The following STK39 variants were observed in gnomAD, a reference collection of about 807,000 sequenced individuals.
STK39 encodes serine/threonine kinase 39.
Under a neutral mutation model 77.8 loss-of-function variants are expected in STK39, and 20 were observed. The ratio of observed to expected loss-of-function variants is 0.26; its 90% CI spans 0.18 to 0.37. STK39 has a LOEUF of 0.37. Among genes scored for constraint, STK39 ranks in the 10% least tolerant of loss-of-function variants. The pLI is 1.00. For missense variants in STK39, 479 were observed against 656.5 expected (o/e 0.73, Z 2.95); for synonymous variants, 246 against 234.1 (o/e 1.05, Z -0.47).
At chr2:168,219,347 ACT>A (rs1690106680) in intron 1 of STK39, among the ~76,000 whole-genome samples, 1 of 152,026 alleles carries the variant, frequency 6.6e-6, no homozygotes, top group African/African-American at 2.4e-5. Flanking sequence ...CATACACTTA[ACT>A]CTCAATTTAT....
chr2:168,161,213 T>C (rs1688563425), intron 5 of STK39, among the ~76,000 whole-genome samples: 1 of 152,184 alleles, frequency 6.6e-6, no homozygotes, highest in Admixed American at 6.5e-5. Context: ...CCTTTAAGGT[T>C]ACTCTAGGGC....
intron 14 of STK39, among the ~76,000 whole-genome samples, chr2:168,029,429 G>A (rs1684778787): frequency 6.6e-6 from 1 of 152,202 alleles, no homozygotes; most frequent in Non-Finnish European, 1.5e-5. Context: ...ACAAAAGACA[G>A]AAGCCTTTTT....
chr2:168,013,654 G>A (rs907233123), intron 15 of STK39, among the ~76,000 whole-genome samples: 1 of 152,168 alleles, frequency 6.6e-6, no homozygotes, highest in Non-Finnish European at 1.5e-5. Flanking sequence ...AAAGTCAGGG[G>A]GCACCTGAAA....
In STK39 at chr2:167,972,275, C is replaced by A. The variant is rs112479613; in HGVS notation, c.1499-7549G>T. Among the ~76,000 whole-genome samples the A allele has an allele frequency of 3.1e-3, 469 of 152,272 alleles. 2 individuals are homozygous for A. Among genetic ancestry groups the A allele is most frequent in the African/African-American group, 0.011 (443 of 41,556 alleles). On this transcript the variant is annotated intron_variant, in intron 16 of 17. Coordinates refer to ENST00000355999, the MANE Select transcript of STK39 (RefSeq NM_013233.3). ...CTCTCTTGTAAAGTTTTAATTACCA[C>A]AAGAAAAGAATTCTGAGGCTGATCT...
chr2:168,185,813 T>C (rs562717496), intron 1 of STK39, among the ~76,000 whole-genome samples: 1 of 152,336 alleles, frequency 6.6e-6, no homozygotes, highest in Non-Finnish European at 1.5e-5. Context: ...AAAAGATATT[T>C]GCTTATATTA....
Position 168,151,503 on chromosome 2 carries a change from G to A in STK39, c.628+10284C>T, listed in dbSNP as rs1325528009. ...TGTAATCCCAGCATTTTGGGAGGCC[G>A]AGGCAGTCAGATTGCAAGGTCAGGA... On this transcript the variant is annotated intron_variant, in intron 5 of 17. Transcript: ENST00000355999. Among the ~76,000 whole-genome samples the A allele has an allele frequency of 4.6e-5, 7 of 152,058 alleles. 1 individual carries two copies. The highest frequency in any genetic ancestry group is 4.1e-4 in the South Asian group (2 of 4,820).
intron 5 of STK39, among the ~76,000 whole-genome samples, chr2:168,148,242 T>G (rs1179007019): frequency 1.3e-5 from 2 of 152,216 alleles, no homozygotes; most frequent in Non-Finnish European, 2.9e-5. Flanking sequence ...TACTTCTGTT[T>G]GTTTTCTTTT....
intron 16 of STK39, among the ~76,000 whole-genome samples, chr2:168,004,724 C>T (rs567199366): frequency 8.8e-4 from 112 of 127,192 alleles, no homozygotes; most frequent in African/African-American, 2.9e-3. Flanking sequence ...CAGAGTGAGA[C>T]TCCATCTCAA....
intron 12 of STK39, 84 bp from the exon 13 acceptor site, chr2:168,065,465 G>T: frequency 7.3e-7 from 1 of 1,365,910 alleles, no homozygotes; most frequent in Non-Finnish European, 1.0e-6. Context: ...CCAATTATCA[G>T]ACCCAATAAT....
At chr2:168,054,015 T>C (rs1330429904) in intron 14 of STK39, among the ~76,000 whole-genome samples, 1 of 152,216 alleles carries the variant, frequency 6.6e-6, no homozygotes, top group African/African-American at 2.4e-5. Flanking sequence ...TAAAACACGA[T>C]AAATGCCAGT....
At chr2:168,017,377 A>ATTTTTTTTTTTTTTTTTTTTTTTTTTT (rs386391743) in intron 14 of STK39, among the ~76,000 whole-genome samples, 2 of 93,592 alleles carry the variant, frequency 2.1e-5, no homozygotes, top group African/African-American at 4.4e-5. Flanking sequence ...GGAAACCTTA[A>ATTTTTTTTTTTTTTTTTTTTTTTTTTT]TTTTTTTTTT....
chr2:168,076,094 G>A (rs973708785), intron 10 of STK39, among the ~76,000 whole-genome samples: 2 of 152,176 alleles, frequency 1.3e-5, no homozygotes, highest in Non-Finnish European at 2.9e-5. Context: ...ATTAAACAAA[G>A]CACTGTAGCA....
intron 10 of STK39, among the ~76,000 whole-genome samples, chr2:168,098,401 C>T (rs1686730864): frequency 6.6e-6 from 1 of 152,174 alleles, no homozygotes; most frequent in Non-Finnish European, 1.5e-5. Context: ...ATATGCTACC[C>T]TGGCCAGCTT....
intron 1 of STK39, among the ~76,000 whole-genome samples, chr2:168,222,567 GT>G (rs1393391371): frequency 2.0e-5 from 3 of 152,158 alleles, no homozygotes; most frequent in African/African-American, 4.8e-5. Flanking sequence ...TATGTGAAAT[GT>G]TTAAGTGCTT....
intron 16 of STK39, among the ~76,000 whole-genome samples, chr2:167,998,470 C>A (rs915849273): frequency 2.6e-5 from 4 of 152,250 alleles, no homozygotes; most frequent in Admixed American, 2.0e-4. Context: ...TGTAGTGCTA[C>A]CTTAGCCCAC....
intron 5 of STK39, among the ~76,000 whole-genome samples, chr2:168,141,069 C>T (rs949837107): frequency 1.3e-5 from 2 of 152,004 alleles, no homozygotes; most frequent in Non-Finnish European, 1.5e-5. Flanking sequence ...CCAACATGCC[C>T]GAGTATGTCC....
chr2:168,105,226 A>G (rs775857476), intron 10 of STK39, among the ~76,000 whole-genome samples: 5 of 152,206 alleles, frequency 3.3e-5, no homozygotes, highest in Non-Finnish European at 7.3e-5. Context: ...TATGAGAATG[A>G]AAGAGAACTC....
At chr2:168,216,737 C>T (rs1325928213) in intron 1 of STK39, among the ~76,000 whole-genome samples, 2 of 152,162 alleles carry the variant, frequency 1.3e-5, no homozygotes, top group Non-Finnish European at 2.9e-5. Context: ...CTTTCTAAAG[C>T]CAAGGCTAAT....
chr2:168,112,995 A>C (rs1311980590), intron 10 of STK39: 1 of 152,084 alleles, frequency 6.6e-6, no homozygotes, highest in Non-Finnish European at 1.5e-5. Flanking sequence ...AGTTCTAGAG[A>C]TCCTTTATGA....
Sources: allele counts gnomAD v4.1 joint callset (sites outside exome capture counted in the v4.1 genomes callset), GRCh38; gene constraint gnomAD v4.1.1; transcripts MANE v1.5; gene names NCBI Gene and HGNC (gene_info 2026-07-23, HGNC 2026-07-21).